NDST3: variants seen among roughly 807,000 people sequenced by gnomAD.
NDST3 encodes the protein N-deacetylase and N-sulfotransferase 3, also known as bifunctional heparan sulfate N-deacetylase/N-sulfotransferase 3.
A neutral mutation model predicts 96.1 loss-of-function variants in NDST3; 58 were observed. That is an observed-to-expected ratio of 0.60 (90% CI 0.49 to 0.75). The LOEUF is 0.75. Among genes scored for constraint, NDST3 ranks in the 30% least tolerant of loss-of-function variants. The pLI, the probability that NDST3 is intolerant of heterozygous loss-of-function variation, is 0.00. For missense variants in NDST3, 788 were observed against 1,034.2 expected, an observed-to-expected ratio of 0.76 and a Z score of 3.27; for synonymous variants, 333 against 359.7, an observed-to-expected ratio of 0.93 and a Z score of 0.84.
intron 2 of NDST3, among the ~76,000 whole-genome samples, chr4:118,067,760 T>C (rs1205336709): frequency 1.3e-5 from 2 of 151,344 alleles, no homozygotes; most frequent in East Asian, 3.9e-4. Context: ...GTGTGGAGGG[T>C]GGGGGTGATG....
At chr4:118,209,764 T>G (rs948552986) in intron 6 of NDST3, among the ~76,000 whole-genome samples, 1 of 152,196 alleles carries the variant, frequency 6.6e-6, no homozygotes, top group Non-Finnish European at 1.5e-5. Flanking sequence ...CCAACTTTCC[T>G]TTAAAGCCTA....
intron 1 of NDST3, among the ~76,000 whole-genome samples, chr4:118,037,397 A>G (rs1206391262): frequency 6.6e-6 from 1 of 152,158 alleles, no homozygotes; most frequent in Non-Finnish European, 1.5e-5. Flanking sequence ...TTCCTGTTTC[A>G]CAAATGAGGA....
chr4:118,118,208 C>A lies in NDST3; in HGVS notation c.1224+3248C>A, dbSNP rs1220403410. Among the ~76,000 whole-genome samples, 5 of 152,184 alleles carry A rather than the reference C, an allele frequency of 3.3e-5. No individual in the cohort carries two copies. The East Asian group carries it at 9.6e-4, about 29-fold the overall frequency. ...AAATTGGATTATATCCTGCTCTTCT[C>A]CACCAGCTTGGAGGCTCTTGATTTT... On this transcript the variant is annotated intron_variant, in intron 4 of 13. Transcript: ENST00000296499.
At chr4:118,034,965 C>A (rs1001511889) in intron 1 of NDST3, among the ~76,000 whole-genome samples, 1 of 152,144 alleles carries the variant, frequency 6.6e-6, no homozygotes, top group African/African-American at 2.4e-5. Flanking sequence ...ACCTGCCTAT[C>A]TACACAGTAA....
chr4:118,226,481 G>T (rs1184482951), intron 7 of NDST3, among the ~76,000 whole-genome samples: 2 of 152,108 alleles, frequency 1.3e-5, no homozygotes, highest in East Asian at 3.9e-4. Flanking sequence ...AAAGCTCAAA[G>T]TTACTTAGAA....
intron 6 of NDST3, among the ~76,000 whole-genome samples, chr4:118,202,682 C>T (rs981499185): frequency 6.6e-6 from 1 of 152,232 alleles, no homozygotes; most frequent in African/African-American, 2.4e-5. Flanking sequence ...TGAAACTTTA[C>T]TAAAGGTGTT....
rs551980293 is a variant in NDST3, at chr4:118,145,809, A to C, written c.1539+2125A>C. The stretch of plus-strand genomic sequence containing the variant: ...CAATTACTTTCAGAAAAAAATCCCT[A>C]GACTCAAAATAAATGACAAATCTTG... On this transcript the variant is annotated intron_variant, in intron 6 of 13. Transcript: ENST00000296499. Among the ~76,000 whole-genome samples the C allele has an allele frequency of 2.6e-5, 4 of 152,312 alleles. No individual in the cohort carries two copies. In the East Asian group the frequency reaches 7.7e-4, roughly 29 times the overall value.
At chr4:118,185,439 A>AT (rs1169488006) in intron 6 of NDST3, among the ~76,000 whole-genome samples, 1 of 150,312 alleles carries the variant, frequency 6.7e-6, no homozygotes, top group Non-Finnish European at 1.5e-5. Context: ...GTGGTATCTA[A>AT]TAATATGTAT....
intron 2 of NDST3, among the ~76,000 whole-genome samples, chr4:118,059,170 C>A (rs1200951306): frequency 6.6e-6 from 1 of 152,090 alleles, no homozygotes; most frequent in East Asian, 1.9e-4. Context: ...GAAGAACCCG[C>A]CCAGTCACAT....
intron 2 of NDST3, among the ~76,000 whole-genome samples, chr4:118,098,574 T>C (rs1344814574): frequency 1.3e-5 from 2 of 152,022 alleles, no homozygotes; most frequent in Non-Finnish European, 2.9e-5. Context: ...TCTTCACCGC[T>C]GTAATTTAGA....
At chr4:118,195,783 C>T (rs1737643701) in intron 6 of NDST3, among the ~76,000 whole-genome samples, 1 of 152,138 alleles carries the variant, frequency 6.6e-6, no homozygotes, top group African/African-American at 2.4e-5. Flanking sequence ...ATATAAGATA[C>T]CATCTGCAAA....
At chr4:118,077,545 GC>G (rs1247550403) in intron 2 of NDST3, among the ~76,000 whole-genome samples, 1 of 152,188 alleles carries the variant, frequency 6.6e-6, no homozygotes, top group African/African-American at 2.4e-5. Flanking sequence ...CTGGCTTTAT[GC>G]CTGCATTTCT....
At chr4:118,238,240 AAAAG>A (rs1034012009) in intron 10 of NDST3, among the ~76,000 whole-genome samples, 4 of 152,066 alleles carry the variant, frequency 2.6e-5, no homozygotes, top group South Asian at 4.2e-4. Context: ...AAAGAAGAAA[AAAAG>A]AAAGAAAATT....
At chr4:118,092,567 C>A (rs1728965421) in intron 2 of NDST3, among the ~76,000 whole-genome samples, 2 of 151,784 alleles carry the variant, frequency 1.3e-5, no homozygotes, top group African/African-American at 4.8e-5. Context: ...AGTCCACCTT[C>A]TCTGGAAATA....
chr4:118,138,990 G>A (rs752992972), intron 5 of NDST3, among the ~76,000 whole-genome samples: 6 of 152,162 alleles, frequency 3.9e-5, no homozygotes, highest in South Asian at 2.1e-4. Context: ...ATGAGCCACC[G>A]TAACACTCTG....
chr4:118,157,113 A>C (rs1734761757), intron 6 of NDST3, among the ~76,000 whole-genome samples: 1 of 152,204 alleles, frequency 6.6e-6, no homozygotes, highest in Non-Finnish European at 1.5e-5. Context: ...ATAGCCATAC[A>C]AGAGACTACT....
chr4:118,211,295 G>A (rs1738779606), intron 6 of NDST3, among the ~76,000 whole-genome samples: 1 of 114,234 alleles, frequency 8.8e-6, no homozygotes, highest in African/African-American at 2.6e-5. Flanking sequence ...AGGGACAGTG[G>A]GAAAAAGAAG....
In NDST3 at chr4:118,034,610, T is replaced by C. The variant is rs1265626285; in HGVS notation, c.-156+18T>C. On this transcript the variant is annotated intron_variant, in intron 1 of 13. Transcript: ENST00000296499. Reference sequence around the variant, plus strand: ...AATTCCAGGTAAGTGTATTTATTTATTTATACTGTGCATTAATGCCTCACT... The same window carrying C: ...AATTCCAGGTAAGTGTATTTATTTACTTATACTGTGCATTAATGCCTCACT... 6.6e-6 allele frequency: 1 copy of C among 152,206 alleles called. No homozygotes were observed. The highest frequency in any genetic ancestry group is 1.5e-5 in the Non-Finnish European group (1 of 68,038). 9.4% of individuals were successfully genotyped at this position (152,206 alleles called of 1,614,324 possible).
At position 118,109,700 on chromosome 4, in the gene NDST3, T is replaced by G. The variant is rs1257979545; in HGVS notation, c.1069+4595T>G. On this transcript the variant is annotated intron_variant, in intron 3 of 13. Transcript: ENST00000296499. ...AAAAGATACAAAATTTAATATTTGA[T>G]CTTTCAAAAATTAGATGGGATAAAA... Among the ~76,000 whole-genome samples the G allele has an allele frequency of 2.6e-5, 4 of 152,222 alleles. No individual in the cohort carries two copies. The East Asian group carries it at 5.8e-4, about 22-fold the overall frequency.
Sources: allele counts gnomAD v4.1 joint callset (sites outside exome capture counted in the v4.1 genomes callset), GRCh38; gene constraint gnomAD v4.1.1; transcripts MANE v1.5; gene names NCBI Gene and HGNC (gene_info 2026-07-23, HGNC 2026-07-21).